The following NFIA variants were observed in gnomAD, a reference collection of about 807,000 sequenced individuals.
The protein encoded by NFIA is nuclear factor I A.
A neutral mutation model predicts 62.8 loss-of-function variants in NFIA; 8 were observed. The observed-to-expected ratio is 0.13, with a 90% CI of 0.07 to 0.23. NFIA has a LOEUF of 0.23. Among genes scored for constraint, NFIA ranks in the 10% least tolerant of loss-of-function variants. The probability of loss-of-function intolerance (pLI) is 1.00; values close to 1 mark genes in which losing one functional copy is unlikely to be tolerated. For synonymous variants in NFIA, 235 were observed against 238.1 expected, an observed-to-expected ratio of 0.99 and a Z score of 0.12; for missense variants, 410 against 642.1, an observed-to-expected ratio of 0.64 and a Z score of 3.91.
chr1:61,201,582 A>G (rs1273238041), intron 2 of NFIA, among the ~76,000 whole-genome samples: 4 of 152,050 alleles, frequency 2.6e-5, no homozygotes. Flanking sequence ...ATCAGGTGGT[A>G]AAAGCCTGTT....
At chr1:61,434,286 G>C (rs1244877347) in intron 10 of NFIA, among the ~76,000 whole-genome samples, 1 of 152,126 alleles carries the variant, frequency 6.6e-6, no homozygotes, top group Non-Finnish European at 1.5e-5. Context: ...CCAGTAGCAG[G>C]TGTTGAATAG....
intron 6 of NFIA, among the ~76,000 whole-genome samples, chr1:61,366,403 T>G (rs1241481940): frequency 6.6e-6 from 1 of 152,218 alleles, no homozygotes; most frequent in Non-Finnish European, 1.5e-5. Flanking sequence ...AATTTTCTCC[T>G]GTAGAAAAAC....
intron 5 of NFIA, among the ~76,000 whole-genome samples, chr1:61,355,585 ATT>A (rs113750240): frequency 5.4e-5 from 8 of 148,710 alleles, no homozygotes; most frequent in South Asian, 4.3e-4. Flanking sequence ...CCAGATGTTA[ATT>A]TTTTTTTTTC....
chr1:61,253,369 C>A (rs1656172560), intron 2 of NFIA: 3 of 152,180 alleles, frequency 2.0e-5, no homozygotes, highest in African/African-American at 7.2e-5. Flanking sequence ...GGGCACTTGA[C>A]CAAATACAGG....
chr1:61,371,986 T>C (rs1362546803), intron 6 of NFIA, among the ~76,000 whole-genome samples: 1 of 152,160 alleles, frequency 6.6e-6, no homozygotes. Flanking sequence ...CCCGTTCTGA[T>C]TGGTCTATGA....
intron 2 of NFIA, among the ~76,000 whole-genome samples, chr1:61,106,235 TG>T (rs2100444926): frequency 6.6e-6 from 1 of 151,972 alleles, no homozygotes; most frequent in South Asian, 2.1e-4. Flanking sequence ...TACAGCAACC[TG>T]GATCATTCAT....
At chr1:61,329,157 C>T (rs1661142060) in intron 3 of NFIA, among the ~76,000 whole-genome samples, 1 of 150,598 alleles carries the variant, frequency 6.6e-6, no homozygotes, top group Non-Finnish European at 1.5e-5. Context: ...AAGCTGTTCT[C>T]CTGCCTCAGC....
chr1:61,222,090 T>C (rs1654049623), intron 2 of NFIA, among the ~76,000 whole-genome samples: 1 of 152,156 alleles, frequency 6.6e-6, no homozygotes, highest in Non-Finnish European at 1.5e-5. Context: ...ACACTATCAC[T>C]ATATGAAGTT....
At chr1:61,079,582 A>G (rs917663963), upstream of NFIA, among the ~76,000 whole-genome samples, 3 of 152,220 alleles carry the variant, frequency 2.0e-5, no homozygotes, top group African/African-American at 7.2e-5. Context: ...TACCACTTGG[A>G]AAATAAATGA....
At position 61,352,425 on chromosome 1, in the gene NFIA, T is replaced by C. The variant is rs748251885; in HGVS notation, c.701-25T>C. 3.3e-6 allele frequency: 5 copies of C among 1,500,354 alleles called. No homozygotes were observed. In the South Asian group the frequency reaches 5.7e-5, roughly 17 times the overall value. 92.9% of individuals were successfully genotyped at this position (1,500,354 alleles called of 1,614,324 possible). ...TTTTTTATCCACAGAATTTAACTGA[T>C]TTTTGTTTGTTTTCTTAATTCTAGC... On this transcript the variant is annotated intron_variant, in intron 4 of 10. Transcript: ENST00000403491.
chr1:61,216,008 A>G (rs914921991), intron 2 of NFIA, among the ~76,000 whole-genome samples: 4 of 152,204 alleles, frequency 2.6e-5, no homozygotes, highest in African/African-American at 9.6e-5. Context: ...TGCTGATGTT[A>G]CCAGGTGCAA....
At chr1:61,231,847 A>AAAAC (rs150649771) in intron 2 of NFIA, among the ~76,000 whole-genome samples, 3 of 151,808 alleles carry the variant, frequency 2.0e-5, no homozygotes, top group African/African-American at 2.4e-5. Flanking sequence ...CTCAGTGTAA[A>AAAAC]AAACAAACAA....
At chr1:61,407,302 G>A (rs975102941) in intron 9 of NFIA, among the ~76,000 whole-genome samples, 1 of 152,138 alleles carries the variant, frequency 6.6e-6, no homozygotes, top group Non-Finnish European at 1.5e-5. Flanking sequence ...TAGGGGCTGG[G>A]GTACGGAGAT....
At chr1:61,158,519 A>G (rs1001815158) in intron 2 of NFIA, among the ~76,000 whole-genome samples, 2 of 152,218 alleles carry the variant, frequency 1.3e-5, no homozygotes, top group African/African-American at 4.8e-5. Flanking sequence ...TTTACAAGAA[A>G]TCATTTGAAT....
intron 6 of NFIA, among the ~76,000 whole-genome samples, chr1:61,378,749 T>A (rs72666660): frequency 0.089 from 13,596 of 152,258 alleles, 674 homozygotes; most frequent in Middle Eastern, 0.13. Flanking sequence ...GGCCTGTTGC[T>A]GACTCTCGTG....
rs144620346 is a variant in NFIA, at chr1:61,348,450, A to G, written c.701-4000A>G. On this transcript the variant is annotated intron_variant, in intron 4 of 10. Coordinates refer to ENST00000403491, the MANE Select transcript of NFIA (RefSeq NM_001134673.4). ...TCTCAAGTTACTCATCAGAAGTCTG[A>G]TAGACACTTTCGGGACGTGCCAGGC... 2.5e-3 allele frequency among the ~76,000 whole-genome samples: 378 copies of G among 152,352 alleles called. 1 individual carries two copies. The highest frequency in any genetic ancestry group is 8.6e-3 in the African/African-American group (357 of 41,590).
intron 3 of NFIA, among the ~76,000 whole-genome samples, chr1:61,287,465 C>T (rs945581305): frequency 2.0e-5 from 3 of 152,102 alleles, no homozygotes; most frequent in Non-Finnish European, 4.4e-5. Context: ...ATTATAACCC[C>T]CAGGTCTCAC....
chr1:61,432,610 T>TATAC (rs1292430702), intron 10 of NFIA, among the ~76,000 whole-genome samples: 62 of 55,764 alleles, frequency 1.1e-3, no homozygotes, highest in African/African-American at 2.7e-3. Context: ...TATATATATA[T>TATAC]ACACACACAC....
At chr1:61,420,705 T>C (rs1288572846) in intron 9 of NFIA, among the ~76,000 whole-genome samples, 4 of 152,166 alleles carry the variant, frequency 2.6e-5, no homozygotes, top group Admixed American at 1.3e-4. Context: ...CACATGAATA[T>C]GTCTGAGTTT....
Sources: allele counts gnomAD v4.1 joint callset (sites outside exome capture counted in the v4.1 genomes callset), GRCh38; gene constraint gnomAD v4.1.1; transcripts MANE v1.5; gene names NCBI Gene and HGNC (gene_info 2026-07-23, HGNC 2026-07-21).